The following SMURF2 variants were observed in gnomAD, a reference collection of about 807,000 sequenced individuals.
The protein encoded by SMURF2 is E3 ubiquitin-protein ligase SMURF2.
Under a neutral mutation model 109.6 loss-of-function variants are expected in SMURF2, and 48 were observed. That is an observed-to-expected ratio of 0.44 (90% CI 0.35 to 0.56). SMURF2 has a LOEUF of 0.56. SMURF2 is among the 20% of genes least tolerant of loss of function. The probability of loss-of-function intolerance (pLI) is 0.01; values close to 1 mark genes in which losing one functional copy is unlikely to be tolerated. For missense variants in SMURF2, 575 were observed against 909.0 expected (o/e 0.63, Z 4.72); for synonymous variants, 288 against 317.1 (o/e 0.91, Z 0.97).
intron 1 of SMURF2, among the ~76,000 whole-genome samples, chr17:64,641,656 T>C (rs1970494247): frequency 6.6e-6 from 1 of 152,172 alleles, no homozygotes; most frequent in African/African-American, 2.4e-5. Flanking sequence ...AACCAGCCCA[T>C]GTAGACAGAC....
chr17:64,547,030 C>G lies in SMURF2; in HGVS notation c.2071+570G>C, dbSNP rs1555683152. 2.6e-5 allele frequency among the ~76,000 whole-genome samples: 4 copies of G among 152,240 alleles called. No individual in the cohort carries two copies. The highest frequency in any genetic ancestry group is 9.6e-5 in the African/African-American group (4 of 41,468). On this transcript the variant is annotated intron_variant, in intron 17 of 18. Transcript: ENST00000262435. The surrounding 1 kb of genome is among the most constrained non-coding windows in gnomAD (Gnocchi z 4.2). ...AGAGGTAAAGGAAGCAACTGCCACCCAGTGAAGCACCACAATCATTAGCAA... is the reference window on the plus strand; with the variant it reads ...AGAGGTAAAGGAAGCAACTGCCACCGAGTGAAGCACCACAATCATTAGCAA...
intron 2 of SMURF2, among the ~76,000 whole-genome samples, chr17:64,602,944 T>G (rs1327627271): frequency 6.6e-6 from 1 of 151,988 alleles, no homozygotes; most frequent in Admixed American, 6.6e-5. Context: ...AAAAAATTTT[T>G]TTTTGTCTCA....
chr17:64,623,379 A>C (rs541656359), intron 1 of SMURF2, among the ~76,000 whole-genome samples: 8 of 152,146 alleles, frequency 5.3e-5, no homozygotes, highest in Non-Finnish European at 8.8e-5. Flanking sequence ...TAAACACCGA[A>C]CCTCTGAGAC....
Position 64,542,858 on chromosome 17 carries a change from CA to C in SMURF2, c.*2989del, listed in dbSNP as rs1968893837. 1.3e-5 allele frequency: 2 copies of C among 151,796 alleles called. No individual in the cohort carries two copies. Among genetic ancestry groups the C allele is most frequent in the Admixed American group, 1.3e-4 (2 of 15,274 alleles). 9.4% of individuals were successfully genotyped at this position (151,796 alleles called of 1,614,324 possible). A position where few individuals can be genotyped will look rare whatever the true frequency, so the allele number is the denominator to read the frequency against. On this transcript the variant is annotated 3_prime_UTR_variant, in exon 19 of 19. Transcript: ENST00000262435. ...CCCATTCGGGGCAACAAACTATGTG[CA>C]AAACAAAATGTACACTATACACTAT...
At chr17:64,619,128 T>C (rs1445479451) in intron 1 of SMURF2, among the ~76,000 whole-genome samples, 2 of 152,072 alleles carry the variant, frequency 1.3e-5, no homozygotes, top group Non-Finnish European at 2.9e-5. Flanking sequence ...CTGGCTATTA[T>C]TATTACTCAA....
intron 1 of SMURF2, among the ~76,000 whole-genome samples, chr17:64,643,101 T>C (rs187424197): frequency 1.3e-5 from 2 of 152,300 alleles, no homozygotes; most frequent in Admixed American, 1.3e-4. Flanking sequence ...CACGGTTCAC[T>C]GCAGCCTCAA....
In SMURF2 at chr17:64,545,607, T is replaced by A; in HGVS notation, c.*241A>T. 2 of 315,390 alleles carry A rather than the reference T, an allele frequency of 6.3e-6. No homozygotes were observed. The highest frequency in any genetic ancestry group is 1.2e-5 in the Non-Finnish European group (2 of 171,586). The allele number at this position is 315,390 out of a possible 1,614,324, so 19.5% of individuals were successfully genotyped here. The stretch of plus-strand genomic sequence containing the variant: ...TCAGCATTCTTTAGGTTCAAGATAT[T>A]AAGTTTAAATAGCAGCTGAATGTGG... On this transcript the variant is annotated 3_prime_UTR_variant, in exon 19 of 19. Transcript: ENST00000262435.
At chr17:64,637,505 A>C (rs1555692194) in intron 1 of SMURF2, among the ~76,000 whole-genome samples, 1 of 152,056 alleles carries the variant, frequency 6.6e-6, no homozygotes, top group Non-Finnish European at 1.5e-5. Context: ...ATATGGCATG[A>C]GGTAGAGGTT....
chr17:64,554,937 T>A lies in SMURF2; in HGVS notation c.1667A>T (p.Tyr556Phe). The A allele has an allele frequency of 1.2e-6, 2 of 1,613,120 alleles. No homozygotes were observed. The highest frequency in any genetic ancestry group is 1.7e-6 in the Non-Finnish European group (2 of 1,179,182). ...AAGTTCATGCTGAATAATTTCACCA[T>A]ATGCATTATGTTCAACACAGAAGGT... The part of the protein sequence containing the change: ...DHTFCVEHNA[Y>F]GEIIQHELKP... Residue 556 changes from tyrosine to phenylalanine, a missense_variant, in exon 15 of 19, where the codon TAT becomes TTT. Around this residue, in one of 5 missense-constraint regions of SMURF2, gnomAD observed 361 missense variants for 612.1 expected, o/e 0.59. Coordinates refer to ENST00000262435, the MANE Select transcript of SMURF2 (RefSeq NM_022739.4).
intron 1 of SMURF2, among the ~76,000 whole-genome samples, chr17:64,612,742 C>T (rs910975122): frequency 6.6e-6 from 1 of 151,104 alleles, no homozygotes; most frequent in African/African-American, 2.4e-5. Context: ...CTTATCCGGT[C>T]GTGTTTAACC....
chr17:64,637,315 C>T (rs769401888), intron 1 of SMURF2, among the ~76,000 whole-genome samples: 2 of 151,498 alleles, frequency 1.3e-5, no homozygotes, highest in African/African-American at 2.4e-5. Context: ...TTAGTAGAGA[C>T]GGGGTTTCAT....
chr17:64,591,891 C>T (rs1216028085), intron 4 of SMURF2, among the ~76,000 whole-genome samples: 1 of 152,154 alleles, frequency 6.6e-6, no homozygotes, highest in Non-Finnish European at 1.5e-5. Flanking sequence ...CAGGTAGGTG[C>T]TCAATAAATA....
Position 64,591,133 on chromosome 17 carries a change from T to C in SMURF2, c.351A>G (p.Leu117=), listed in dbSNP as rs782515250. The part of the protein sequence containing the change: ...LKDTGYQRLD[L]CKLGPNDNDT... ...CATTGTCATTTGGCCCGAGTTTGCA[T>C]AAATCCAACCTCTGATCTATTTGAA... Residue 117 remains leucine, a synonymous_variant, in exon 5 of 19, where the codon TTA becomes TTG. Coordinates refer to ENST00000262435, the MANE Select transcript of SMURF2 (RefSeq NM_022739.4). The C allele has an allele frequency of 6.2e-7, 1 of 1,613,144 alleles. No individual in the cohort carries two copies. The highest frequency in any genetic ancestry group is 1.1e-5 in the South Asian group (1 of 90,980).
intron 1 of SMURF2, among the ~76,000 whole-genome samples, chr17:64,625,441 CAT>C (rs1468979441): frequency 5.3e-5 from 8 of 152,152 alleles, no homozygotes; most frequent in South Asian, 2.1e-4. Context: ...ACAAAAATGA[CAT>C]GTGTTCAAAA....
chr17:64,617,630 C>T (rs568734829), intron 1 of SMURF2, among the ~76,000 whole-genome samples: 5 of 152,152 alleles, frequency 3.3e-5, no homozygotes, highest in East Asian at 3.9e-4. Flanking sequence ...GGACTACAGG[C>T]GCACACCACC....
At chr17:64,611,516 T>C (rs1285307433) in intron 1 of SMURF2, among the ~76,000 whole-genome samples, 3 of 152,102 alleles carry the variant, frequency 2.0e-5, no homozygotes, top group African/African-American at 7.2e-5. Flanking sequence ...TCCACTCCAC[T>C]ACCCAAGTCA....
chr17:64,617,517 G>A (rs1331975397), intron 1 of SMURF2, among the ~76,000 whole-genome samples: 1 of 152,068 alleles, frequency 6.6e-6, no homozygotes, highest in African/African-American at 2.4e-5. Flanking sequence ...ATCTCACTCT[G>A]TCACTTAGGC....
chr17:64,635,796 T>C (rs1970409104), intron 1 of SMURF2, among the ~76,000 whole-genome samples: 1 of 152,232 alleles, frequency 6.6e-6, no homozygotes, highest in Non-Finnish European at 1.5e-5. Context: ...GCACAAGATT[T>C]TGTGTGAACA....
chr17:64,589,817 A>G (rs549097587), intron 5 of SMURF2, among the ~76,000 whole-genome samples: 1 of 152,216 alleles, frequency 6.6e-6, no homozygotes, highest in East Asian at 1.9e-4. Flanking sequence ...TAATAATAAT[A>G]AAGTGCACAA....
Sources: gnomAD v4.1 joint callset for allele counts (sites outside exome capture counted in the v4.1 genomes callset) on GRCh38, gnomAD v4.1.1 for gene constraint, gnomAD v4.1.1 regional missense constraint, Gnocchi (gnomAD v3.1) non-coding constraint, MANE v1.5 for transcripts, NCBI Gene and HGNC (gene_info 2026-07-23, HGNC 2026-07-21) for gene names.